Variants in FOXN2 observed in about 807,000 individuals in gnomAD.
FOXN2 encodes the protein forkhead box protein N2.
FOXN2 carries 19 observed loss-of-function variants against 41.2 expected under a neutral mutation model. That is an observed-to-expected ratio of 0.46 (90% CI 0.32 to 0.68). FOXN2 has a LOEUF of 0.68. Among genes scored for constraint, FOXN2 ranks in the 30% least tolerant of loss-of-function variants. The pLI is 0.03. For missense variants in FOXN2, 587 were observed against 509.4 expected (o/e 1.15, Z -1.47); for synonymous variants, 195 against 176.8 (o/e 1.10, Z -0.82).
Position 48,346,642 on chromosome 2 carries a change from T to C in FOXN2, c.428T>C (p.Leu143Pro). 2.5e-6 allele frequency: 4 copies of C among 1,614,208 alleles called. No homozygotes were observed. The highest frequency in any genetic ancestry group is 2.5e-6 in the Non-Finnish European group (3 of 1,180,008). Residue 143 changes from leucine to proline, a missense_variant, in exon 3 of 7, where the codon CTG becomes CCG. Physicochemically the swap from Leu to Pro is moderately conservative, Grantham distance 98. Transcript: ENST00000340553. ...LPVKEIYSWI[L>P]DHFPYFATAP... is the part of the protein sequence containing the mutation. ...GTCAAAGAAATTTATAGCTGGATTC[T>C]GGACCATTTTCCATATTTTGCTACT...
rs150812534 is a variant in FOXN2 at position 48,355,430 on chromosome 2, C to T, written c.538-3617C>T. On this transcript the variant is annotated intron_variant, in intron 3 of 6. Transcript: ENST00000340553. ...CATAAAAATTAGCAAGCTATCACCA[C>T]GAGTCAGGGTGGGAGGGAAGGAACT... Among the ~76,000 whole-genome samples, 590 of 152,086 alleles carry T rather than the reference C, an allele frequency of 3.9e-3. 3 individuals carry two copies. Among genetic ancestry groups the T allele is most frequent in the Non-Finnish European group, 7.1e-3 (480 of 67,994 alleles).
chr2:48,326,227 TC>T (rs1669665397), intron 1 of FOXN2, among the ~76,000 whole-genome samples: 1 of 152,118 alleles, frequency 6.6e-6, no homozygotes, highest in Non-Finnish European at 1.5e-5. Flanking sequence ...TGAAGAGTGT[TC>T]CAGGCAGAGG....
At chr2:48,351,583 AC>A (rs1390992280) in intron 3 of FOXN2, among the ~76,000 whole-genome samples, 1 of 152,128 alleles carries the variant, frequency 6.6e-6, no homozygotes, top group African/African-American at 2.4e-5. Context: ...AAACTGTTCC[AC>A]CTCAGATCAT....
intron 3 of FOXN2, among the ~76,000 whole-genome samples, chr2:48,355,678 T>C (rs1299941613): frequency 6.6e-6 from 1 of 152,212 alleles, no homozygotes; most frequent in African/African-American, 2.4e-5. Context: ...TTTGGCAACC[T>C]TGACAGCACT....
At chr2:48,351,739 C>G (rs957013596) in intron 3 of FOXN2, among the ~76,000 whole-genome samples, 1 of 152,092 alleles carries the variant, frequency 6.6e-6, no homozygotes, top group African/African-American at 2.4e-5. Flanking sequence ...TCTCAACTTC[C>G]ACTCTCCTCC....
At chr2:48,348,029 C>CTCTA (rs1475261323) in intron 3 of FOXN2, among the ~76,000 whole-genome samples, 1 of 151,610 alleles carries the variant, frequency 6.6e-6, no homozygotes, top group Non-Finnish European at 1.5e-5. Flanking sequence ...TATAGAGGGC[C>CTCTA]TAGATGTGTT....
chr2:48,365,397 G>T (rs557881363), intron 5 of FOXN2, among the ~76,000 whole-genome samples: 2 of 152,200 alleles, frequency 1.3e-5, no homozygotes, highest in African/African-American at 4.8e-5. Context: ...CTTTATCTTT[G>T]TATTGCCTCA....
chr2:48,364,736 T>A (rs1672420978), intron 5 of FOXN2, among the ~76,000 whole-genome samples: 1 of 152,272 alleles, frequency 6.6e-6, no homozygotes, highest in Non-Finnish European at 1.5e-5. Flanking sequence ...AGGATGGTTT[T>A]ACATTTGTAA....
intron 2 of FOXN2, among the ~76,000 whole-genome samples, chr2:48,332,850 G>A (rs1045115396): frequency 6.6e-5 from 10 of 152,208 alleles, no homozygotes; most frequent in African/African-American, 2.2e-4. Context: ...ATAATTCTAA[G>A]TTGATAGGTC....
intron 5 of FOXN2, 65 bp downstream of exon 5, chr2:48,362,772 C>A: frequency 7.7e-7 from 1 of 1,298,894 alleles, no homozygotes; most frequent in Non-Finnish European, 1.1e-6. Context: ...ACAGGCAGTG[C>A]ATAACAATGG....
At chr2:48,340,948 T>C (rs1048972757) in intron 2 of FOXN2, 1 of 152,212 alleles carries the variant, frequency 6.6e-6, no homozygotes, top group South Asian at 2.1e-4. Flanking sequence ...TTATCTACTT[T>C]TTTGGATAGC....
Position 48,362,363 on chromosome 2 carries a change from T to A in FOXN2, c.639-280T>A, listed in dbSNP as rs796813142. Among the ~76,000 whole-genome samples, 10 of 152,264 alleles carry A rather than the reference T, an allele frequency of 6.6e-5. 1 individual carries two copies. Among genetic ancestry groups the A allele is most frequent in the African/African-American group, 2.2e-4 (9 of 41,560 alleles). ...GGTAGACTGCTTGAGCCCAGGAGTT[T>A]GAGACTAGCTTGTACAACATGGTAA... On this transcript the variant is annotated intron_variant, in intron 4 of 6. Transcript: ENST00000340553.
chr2:48,361,608 C>A (rs1672191044), intron 4 of FOXN2, among the ~76,000 whole-genome samples: 1 of 152,022 alleles, frequency 6.6e-6, no homozygotes. Flanking sequence ...TTTTGTGTAG[C>A]CCTTGCATAT....
At chr2:48,341,433 T>A in intron 2 of FOXN2, among the ~76,000 whole-genome samples, 1 of 152,068 alleles carries the variant, frequency 6.6e-6, no homozygotes, top group Non-Finnish European at 1.5e-5. Context: ...CACTCAAAAG[T>A]GAAAAATATG....
At chr2:48,356,040 A>G (rs910937874) in intron 3 of FOXN2, among the ~76,000 whole-genome samples, 1 of 152,278 alleles carries the variant, frequency 6.6e-6, no homozygotes, top group Admixed American at 6.5e-5. Flanking sequence ...CACGACAATC[A>G]CTTGAACCCG....
At chr2:48,325,871 C>T (rs1004297847) in intron 1 of FOXN2, among the ~76,000 whole-genome samples, 6 of 110,620 alleles carry the variant, frequency 5.4e-5, no homozygotes, top group Non-Finnish European at 8.8e-5. Flanking sequence ...TTTTTTGAGA[C>T]GAAGTTTTCC....
rs1429087841 is a variant in FOXN2 at position 48,375,429 on chromosome 2, C to A, written c.1282C>A (p.Gln428Lys). Reference sequence around the variant, plus strand: ...TACTGCAAAGACACAAAATCAAAAGCAACGGAAAAAATAGAAATACTTAAA... The same window carrying A: ...TACTGCAAAGACACAAAATCAAAAGAAACGGAAAAAATAGAAATACTTAAA... ...ISTAKTQNQK[Q>K]RKK The change falls in exon 7 of 7, where the codon CAA becomes AAA. Residue 428 changes from glutamine to lysine, a missense_variant. Physicochemically the swap from Gln to Lys is moderately conservative, Grantham distance 53. Coordinates refer to ENST00000340553, the MANE Select transcript of FOXN2 (RefSeq NM_002158.4). 1 of 1,601,948 alleles carries A rather than the reference C, an allele frequency of 6.2e-7. No homozygotes were observed. The highest frequency in any genetic ancestry group is 8.5e-7 in the Non-Finnish European group (1 of 1,174,364).
rs1201242902 is a variant in FOXN2 at position 48,379,196 on chromosome 2, A to C, written c.*3753A>C. 6.6e-6 allele frequency: 1 copy of C among 152,622 alleles called. No individual in the cohort carries two copies. The highest frequency in any genetic ancestry group is 1.5e-5 in the Non-Finnish European group (1 of 68,026). 9.5% of individuals were successfully genotyped at this position (152,622 alleles called of 1,614,324 possible). On this transcript the variant is annotated 3_prime_UTR_variant, in exon 7 of 7. Transcript: ENST00000340553. ...TTACAAATACTTAGTTTTTGTATCT[A>C]ATCTCTGATTATTAAAATGTTTATA...
intron 4 of FOXN2, 53 bp from the exon 5 acceptor site, chr2:48,362,590 A>G (rs1572765321): frequency 6.6e-7 from 1 of 1,525,908 alleles, no homozygotes; most frequent in South Asian, 1.1e-5. Flanking sequence ...TTAGGGGGAA[A>G]AAGTGAAGTA....
Sources: allele counts gnomAD v4.1 joint callset (sites outside exome capture counted in the v4.1 genomes callset), GRCh38; gene constraint gnomAD v4.1.1; transcripts MANE v1.5; gene names NCBI Gene and HGNC (gene_info 2026-07-23, HGNC 2026-07-21).